Variants in ZC2HC1B observed in about 807,000 individuals in gnomAD.
ZC2HC1B encodes zinc finger C2HC-type containing 1B.
In ZC2HC1B, 36 loss-of-function variants were observed where a neutral mutation model predicts 31.0. The ratio of observed to expected loss-of-function variants is 1.16; its 90% CI spans 0.89 to 1.54. The LOEUF (loss-of-function observed/expected upper bound fraction) is 1.54, where lower values mean the gene tolerates loss of function less well. Ranked by LOEUF, ZC2HC1B falls within the 40% of genes most tolerant of loss-of-function variation. The pLI, the probability that ZC2HC1B is intolerant of heterozygous loss-of-function variation, is 0.00. For missense variants in ZC2HC1B, 260 were observed against 268.6 expected (o/e 0.97, Z 0.22); for synonymous variants, 73 against 88.0 (o/e 0.83, Z 0.95).
At chr6:143,898,822 T>C in intron 5 of ZC2HC1B, 131 bp downstream of exon 5, 1 of 1,204,246 alleles carries the variant, frequency 8.3e-7, no homozygotes, top group Non-Finnish European at 1.1e-6. Flanking sequence ...TCATGATTGC[T>C]CACCCCTGTG....
rs1208631423 is a variant in ZC2HC1B, at chr6:143,915,303, C to T, written c.598+12151C>T. Among the ~76,000 whole-genome samples the T allele has an allele frequency of 6.6e-6, 1 of 152,178 alleles. No individual in the cohort carries two copies. Among genetic ancestry groups the T allele is most frequent in the African/African-American group, 2.4e-5 (1 of 41,444 alleles). Reference sequence around the variant, plus strand: ...CTGCCATGTGAGATATGCCTTTCACCTTCCACCATGATTGTGTGGCCTTCC... The same window carrying T: ...CTGCCATGTGAGATATGCCTTTCACTTTCCACCATGATTGTGTGGCCTTCC... On this transcript the variant is annotated intron_variant, in intron 6 of 7. Coordinates refer to ENST00000237275, the MANE Select transcript of ZC2HC1B (RefSeq NM_001013623.3). This position sits in a 1 kb window ranked among gnomAD's most constrained non-coding sequence, Gnocchi z 5.2.
At chr6:143,878,563 T>G (rs1777434200) in intron 1 of ZC2HC1B, among the ~76,000 whole-genome samples, 1 of 150,666 alleles carries the variant, frequency 6.6e-6, no homozygotes, top group East Asian at 1.9e-4. Context: ...TGATTTGCCC[T>G]AAGGAGAAAA....
chr6:143,903,175 T>G lies in ZC2HC1B; in HGVS notation c.598+23T>G, dbSNP rs9484827. On this transcript the variant is annotated intron_variant, in intron 6 of 7. Transcript: ENST00000237275. This position sits in a 1 kb window ranked among gnomAD's most constrained non-coding sequence, Gnocchi z 4.3. ...CAGGTGAGTCAAAGCACGCATTTCA[T>G]CTCTCAAATGATGGGGGTCAGAGGA... 35,172 of 1,543,536 alleles carry G rather than the reference T, an allele frequency of 0.023. 2,600 individuals are homozygous for G. In the African/African-American group the frequency reaches 0.25, roughly 11 times the overall value.
At chr6:143,920,677 T>C (rs1251850867) in intron 6 of ZC2HC1B, among the ~76,000 whole-genome samples, 2 of 152,118 alleles carry the variant, frequency 1.3e-5, no homozygotes, top group South Asian at 2.1e-4. Context: ...TTGGGAGGCC[T>C]AGGCAGGCAG....
rs59777839 is a variant in ZC2HC1B at position 143,882,334 on chromosome 6, TTATATATATATATATA to T, written c.29-1950_29-1935del. Among the ~76,000 whole-genome samples, 59 of 85,536 alleles carry T rather than the reference TTATATATATATATATA, an allele frequency of 6.9e-4. 1 individual carries two copies. The highest frequency in any genetic ancestry group is 2.0e-3 in the African/African-American group (31 of 15,696). 56.1% of individuals were successfully genotyped at this position (85,536 alleles called of 152,430 possible). The stretch of plus-strand genomic sequence containing the variant: ...AATATGTATACATATTTTATATTTT[TTATATATATATATATA>T]TATATATATATATATATATTTAGAT... On this transcript the variant is annotated intron_variant, in intron 1 of 7. Transcript: ENST00000237275.
Position 143,884,411 on chromosome 6 carries a change from G to T in ZC2HC1B, c.90+46G>T. 6.7e-7 allele frequency: 1 copy of T among 1,501,178 alleles called. No homozygotes were observed. The highest frequency in any genetic ancestry group is 9.0e-7 in the Non-Finnish European group (1 of 1,108,180). 93.0% of individuals were successfully genotyped at this position (1,501,178 alleles called of 1,614,324 possible). On this transcript the variant is annotated intron_variant, in intron 2 of 7. Coordinates refer to ENST00000237275, the MANE Select transcript of ZC2HC1B (RefSeq NM_001013623.3). The surrounding 1 kb of genome is among the most constrained non-coding windows in gnomAD (Gnocchi z 5.1). ...TAGATGTGTTTCATTGGACTTAAAT[G>T]AACTGTCAAGTCAGTGAGGAGGCGG...
intron 1 of ZC2HC1B, among the ~76,000 whole-genome samples, chr6:143,880,744 T>G (rs546933395): frequency 3.3e-5 from 5 of 152,146 alleles, no homozygotes; most frequent in Admixed American, 1.3e-4. Flanking sequence ...AAAACTTTAT[T>G]TACAAAAAAA....
In ZC2HC1B at chr6:143,921,435, C is replaced by A. The variant is rs1777985574; in HGVS notation, c.599-16214C>A. Reference sequence around the variant, plus strand: ...CTACTTTTTAGAGTTGTTTGTGGCACACAAGAGGGACTCAGTAAATACTTG... The same window carrying A: ...CTACTTTTTAGAGTTGTTTGTGGCAAACAAGAGGGACTCAGTAAATACTTG... On this transcript the variant is annotated intron_variant, in intron 6 of 7. Coordinates refer to ENST00000237275, the MANE Select transcript of ZC2HC1B (RefSeq NM_001013623.3). This position sits in a 1 kb window ranked among gnomAD's most constrained non-coding sequence, Gnocchi z 6.1. Among the ~76,000 whole-genome samples, 1 of 152,114 alleles carries A rather than the reference C, an allele frequency of 6.6e-6. No individual in the cohort carries two copies. The highest frequency in any genetic ancestry group is 2.1e-4 in the South Asian group (1 of 4,828).
At chr6:143,891,670 G>A (rs1236513083) in intron 4 of ZC2HC1B, among the ~76,000 whole-genome samples, 1 of 148,652 alleles carries the variant, frequency 6.7e-6, no homozygotes, top group Non-Finnish European at 1.5e-5. Flanking sequence ...TCCAGTCTGG[G>A]TGACAAGAGC....
intron 5 of ZC2HC1B, among the ~76,000 whole-genome samples, chr6:143,902,706 A>G (rs1457456685): frequency 6.6e-6 from 1 of 152,164 alleles, no homozygotes; most frequent in Non-Finnish European, 1.5e-5. Flanking sequence ...AAAAAATAAA[A>G]TGTTCTTTAA....
rs943984966 is a variant in ZC2HC1B at position 143,912,018 on chromosome 6, C to T, written c.598+8866C>T. ...GCCTGTCTTATTTCAGAAAGATAGT[C>T]TTCAAGCTCTGAGATTCTTTCTTCC... On this transcript the variant is annotated intron_variant, in intron 6 of 7. Transcript: ENST00000237275. Among the ~76,000 whole-genome samples, 4 of 152,018 alleles carry T rather than the reference C, an allele frequency of 2.6e-5. No homozygotes were observed. In the East Asian group the frequency reaches 5.8e-4, roughly 22 times the overall value.
chr6:143,865,624 T>G lies in ZC2HC1B; in HGVS notation c.28+1057T>G, dbSNP rs1473773593. 1.3e-5 allele frequency among the ~76,000 whole-genome samples: 2 copies of G among 152,178 alleles called. No individual in the cohort carries two copies. The highest frequency in any genetic ancestry group is 2.9e-5 in the Non-Finnish European group (2 of 68,034). ...CAGTGTTTTATTTATTGCTTTATCC[T>G]TAGGTCTGGAAGGGTGCCTGGCATT... is the stretch of plus-strand genomic sequence containing the variant. On this transcript the variant is annotated intron_variant, in intron 1 of 7. Coordinates refer to ENST00000237275, the MANE Select transcript of ZC2HC1B (RefSeq NM_001013623.3). The surrounding 1 kb of genome is among the most constrained non-coding windows in gnomAD (Gnocchi z 4.4).
At position 143,868,855 on chromosome 6, in the gene ZC2HC1B, G is replaced by A. The variant is rs1777302477; in HGVS notation, c.28+4288G>A. Among the ~76,000 whole-genome samples, 1 of 152,196 alleles carries A rather than the reference G, an allele frequency of 6.6e-6. No homozygotes were observed. Among genetic ancestry groups the A allele is most frequent in the Admixed American group, 6.5e-5 (1 of 15,276 alleles). ...AAGTTAACAATTCTTAAATGCTGAT[G>A]CGAAGTCAATAAATCTTATGTCACA... On this transcript the variant is annotated intron_variant, in intron 1 of 7. Coordinates refer to ENST00000237275, the MANE Select transcript of ZC2HC1B (RefSeq NM_001013623.3). This position sits in a 1 kb window ranked among gnomAD's most constrained non-coding sequence, Gnocchi z 4.2.
intron 6 of ZC2HC1B, among the ~76,000 whole-genome samples, chr6:143,925,948 G>C (rs1222199672): frequency 6.6e-6 from 1 of 152,104 alleles, no homozygotes; most frequent in Non-Finnish European, 1.5e-5. Context: ...TTGTATTTCT[G>C]TGGTATCAGT....
intron 6 of ZC2HC1B, among the ~76,000 whole-genome samples, chr6:143,927,499 C>T (rs1329556198): frequency 2.0e-5 from 3 of 152,096 alleles, no homozygotes; most frequent in Non-Finnish European, 4.4e-5. Flanking sequence ...TTCATGGATA[C>T]ATAGTATTCC....
chr6:143,886,128 G>A lies in ZC2HC1B; in HGVS notation c.187G>A (p.Val63Met), dbSNP rs61748350. The change falls in exon 3 of 8, where the codon GTG (valine) becomes ATG (methionine). Residue 63 changes from valine to methionine, a missense_variant. By Grantham distance (21) the Val-to-Met change is conservative (BLOSUM62 1). Transcript: ENST00000237275. The surrounding 1 kb of genome is among the most constrained non-coding windows in gnomAD (Gnocchi z 4.2). ...ATTACAGGGCACTGACATTCCTACT[G>A]TGAAGAAGACTCCACAATCCAAGGT... ...QRLQGTDIPT[V>M]KKTPQSKSPP... The A allele has an allele frequency of 6.5e-7, 1 of 1,546,788 alleles. No individual in the cohort carries two copies. The highest frequency in any genetic ancestry group is 2.0e-5 in the Admixed American group (1 of 49,282).
At chr6:143,890,849 G>T (rs1199201468) in intron 4 of ZC2HC1B, among the ~76,000 whole-genome samples, 1 of 152,122 alleles carries the variant, frequency 6.6e-6, no homozygotes, top group Non-Finnish European at 1.5e-5. Flanking sequence ...GAAATTTAAG[G>T]CTGGGCGCAG....
At position 143,870,965 on chromosome 6, in the gene ZC2HC1B, C is replaced by T. The variant is rs151267363; in HGVS notation, c.28+6398C>T. Among the ~76,000 whole-genome samples the T allele has an allele frequency of 4.5e-4, 69 of 152,110 alleles. 1 individual carries two copies. The highest frequency in any genetic ancestry group is 1.5e-3 in the African/African-American group (63 of 41,474). The stretch of plus-strand genomic sequence containing the variant: ...GCTTCAGGTCACTTGATAAATGGGC[C>T]GGATTAACACACCCACATGAGAAAT... On this transcript the variant is annotated intron_variant, in intron 1 of 7. Transcript: ENST00000237275. This position sits in a 1 kb window ranked among gnomAD's most constrained non-coding sequence, Gnocchi z 4.7.
chr6:143,897,936 G>C (rs1777686989), intron 4 of ZC2HC1B, among the ~76,000 whole-genome samples: 1 of 152,144 alleles, frequency 6.6e-6, no homozygotes, highest in South Asian at 2.1e-4. Flanking sequence ...CTTTACACAG[G>C]ATTTACTAAA....
Sources: gnomAD v4.1 joint callset for allele counts (sites outside exome capture counted in the v4.1 genomes callset) on GRCh38, gnomAD v4.1.1 for gene constraint, Gnocchi (gnomAD v3.1) non-coding constraint, MANE v1.5 for transcripts, NCBI Gene and HGNC (gene_info 2026-07-23, HGNC 2026-07-21) for gene names.